The following SPAG17 variants were observed in gnomAD, a reference collection of about 807,000 sequenced individuals.
The protein encoded by SPAG17 is sperm associated antigen 17, also known as sperm-associated antigen 17.
SPAG17 carries 169 observed loss-of-function variants against 273.6 expected under a neutral mutation model. That is an observed-to-expected ratio of 0.62 (90% confidence interval 0.55 to 0.70). The LOEUF is 0.70. SPAG17 is among the 30% of genes least tolerant of loss of function. SPAG17 has a pLI of 0.00. For synonymous variants in SPAG17, 825 were observed against 873.2 expected, an observed-to-expected ratio of 0.94 and a Z score of 0.97; for missense variants, 2,557 against 2,627.8, an observed-to-expected ratio of 0.97 and a Z score of 0.59.
intron 4 of SPAG17, among the ~76,000 whole-genome samples, chr1:118,103,802 A>C (rs955785816): frequency 1.3e-5 from 2 of 151,862 alleles, no homozygotes; most frequent in Non-Finnish European, 2.9e-5. Context: ...GAAGATCTCA[A>C]AGGCAAGAGT....
chr1:117,989,183 G>A (rs186244836), intron 38 of SPAG17, among the ~76,000 whole-genome samples: 6 of 152,248 alleles, frequency 3.9e-5, no homozygotes, highest in Non-Finnish European at 5.9e-5. Flanking sequence ...GACACACTGT[G>A]TCTCAGCCTG....
intron 17 of SPAG17, among the ~76,000 whole-genome samples, chr1:118,069,682 G>T (rs1653376724): frequency 6.6e-6 from 1 of 152,174 alleles, no homozygotes; most frequent in South Asian, 2.1e-4. Context: ...ATGGGCATCA[G>T]CATTAGATAG....
chr1:118,144,983 G>A (rs184262263), intron 3 of SPAG17, among the ~76,000 whole-genome samples: 1 of 152,216 alleles, frequency 6.6e-6, no homozygotes, highest in Admixed American at 6.5e-5. Context: ...ATGAAATAAC[G>A]GCATTAGGTT....
chr1:118,165,300 C>T lies in SPAG17; in HGVS notation c.88-13931G>A, dbSNP rs142022926. ...GATGCCGAAACTTCTGGTGCAAGGG[C>T]GCCAGAAGTCCCACTTGGGCGCCCC... is the stretch of plus-strand genomic sequence containing the variant. On this transcript the variant is annotated intron_variant, in intron 1 of 48. Transcript: ENST00000336338. Among the ~76,000 whole-genome samples the T allele has an allele frequency of 1.3e-3, 192 of 152,124 alleles. 1 individual carries two copies. Among genetic ancestry groups the T allele is most frequent in the African/African-American group, 4.5e-3 (186 of 41,494 alleles).
chr1:118,063,267 G>A (rs560736957), intron 18 of SPAG17, among the ~76,000 whole-genome samples: 82 of 152,204 alleles, frequency 5.4e-4, no homozygotes, highest in Middle Eastern at 3.4e-3. Context: ...AAAAGAGCCC[G>A]CATCACCAAG....
chr1:117,992,419 T>C (rs1657199653), intron 36 of SPAG17, 47 bp downstream of exon 36: 3 of 1,500,732 alleles, frequency 2.0e-6, no homozygotes, highest in South Asian at 2.7e-5. Context: ...AAGCAATGAT[T>C]GCTCTGTTTC....
chr1:118,088,554 C>T (rs908530277), intron 10 of SPAG17, among the ~76,000 whole-genome samples: 3 of 151,648 alleles, frequency 2.0e-5, no homozygotes, highest in African/African-American at 7.3e-5. Flanking sequence ...CAATCAAAAA[C>T]CAGAAAAATG....
chr1:118,031,843 G>A lies in SPAG17; in HGVS notation c.3458C>T (p.Thr1153Ile), dbSNP rs1403789632. 1.9e-6 allele frequency: 3 copies of A among 1,604,800 alleles called. No homozygotes were observed. Among genetic ancestry groups the A allele is most frequent in the East Asian group, 4.5e-5 (2 of 44,740 alleles). The change falls in exon 25 of 49, where the codon ACA (threonine) becomes ATA (isoleucine). Residue 1153 changes from threonine to isoleucine, a missense_variant. By Grantham distance (89) the Thr-to-Ile change is moderately conservative. Coordinates refer to ENST00000336338, the MANE Select transcript of SPAG17 (RefSeq NM_206996.4). ...GAGTGCTGAAGGGATATTCAATATT[G>A]TTTCTAAATCAGGATCCTTATCTTC... ...APEDKDPDLE[T>I]ILNIPSALTP... is the part of the protein sequence containing the mutation.
chr1:118,015,903 G>T, intron 29 of SPAG17, 62 bp downstream of exon 29: 1 of 1,407,078 alleles, frequency 7.1e-7, no homozygotes, highest in East Asian at 2.3e-5. Flanking sequence ...GCACTCTTTT[G>T]GGTGTTGTTT....
intron 20 of SPAG17, among the ~76,000 whole-genome samples, chr1:118,052,243 T>C (rs1444984914): frequency 1.3e-5 from 2 of 150,866 alleles, no homozygotes; most frequent in African/African-American, 4.9e-5. Context: ...AATCTGTTAT[T>C]TGCAGCAACA....
At position 118,102,227 on chromosome 1, in the gene SPAG17, G is replaced by C. The variant is rs1036072490; in HGVS notation, c.448-301C>G. 5.3e-5 allele frequency among the ~76,000 whole-genome samples: 8 copies of C among 152,204 alleles called. 1 individual carries two copies. Among genetic ancestry groups the C allele is most frequent in the Non-Finnish European group, 1.2e-4 (8 of 68,038 alleles). On this transcript the variant is annotated intron_variant, in intron 4 of 48. Transcript: ENST00000336338. ...GCCTAAGAAGCCACCCCAGTGGTTT[G>C]AAGGCAGGGCGGGAAGATAATTCTG...
intron 1 of SPAG17, among the ~76,000 whole-genome samples, chr1:118,176,441 A>G: frequency 6.6e-6 from 1 of 152,230 alleles, no homozygotes; most frequent in East Asian, 1.9e-4. Context: ...ATACATTACA[A>G]ATCATGACTG....
chr1:118,017,284 C>T (rs1040276555), intron 28 of SPAG17, among the ~76,000 whole-genome samples: 1 of 151,940 alleles, frequency 6.6e-6, no homozygotes, highest in East Asian at 1.9e-4. Flanking sequence ...CTCCTATTTC[C>T]CTCCCCTCTC....
At chr1:118,153,866 A>G (rs1444984110) in intron 1 of SPAG17, among the ~76,000 whole-genome samples, 1 of 152,178 alleles carries the variant, frequency 6.6e-6, no homozygotes, top group Non-Finnish European at 1.5e-5. Context: ...AAAAAGAAAA[A>G]AGAAAAAAAA....
intron 44 of SPAG17, among the ~76,000 whole-genome samples, chr1:117,973,147 T>C (rs900975251): frequency 1.4e-4 from 22 of 152,192 alleles, no homozygotes; most frequent in Non-Finnish European, 2.6e-4. Flanking sequence ...TATCAGTGGT[T>C]TGATAACTGG....
chr1:118,001,303 A>T (rs1658262197), intron 32 of SPAG17, among the ~76,000 whole-genome samples: 1 of 152,210 alleles, frequency 6.6e-6, no homozygotes, highest in South Asian at 2.1e-4. Flanking sequence ...TGTCTCTGCC[A>T]GGCTTTGATG....
intron 3 of SPAG17, among the ~76,000 whole-genome samples, chr1:118,123,258 G>C (rs999711020): frequency 6.6e-6 from 1 of 152,062 alleles, no homozygotes; most frequent in Admixed American, 6.6e-5. Context: ...ACTTGATCCT[G>C]TATGTGTCTA....
intron 3 of SPAG17, among the ~76,000 whole-genome samples, chr1:118,125,552 G>A (rs1657672580): frequency 1.3e-5 from 2 of 151,902 alleles, no homozygotes; most frequent in Admixed American, 1.3e-4. Context: ...TTCCCTGACT[G>A]TAATAATTGC....
intron 3 of SPAG17, among the ~76,000 whole-genome samples, chr1:118,117,765 C>T (rs188516088): frequency 2.0e-5 from 3 of 152,342 alleles, no homozygotes; most frequent in Admixed American, 1.3e-4. Flanking sequence ...CACAGCCTGC[C>T]CCTGGCACCA....
Sources: gnomAD v4.1 joint callset for allele counts (sites outside exome capture counted in the v4.1 genomes callset) on GRCh38, gnomAD v4.1.1 for gene constraint, MANE v1.5 for transcripts, NCBI Gene and HGNC (gene_info 2026-07-23, HGNC 2026-07-21) for gene names.